The following MTDH variants were observed in gnomAD, a reference collection of about 807,000 sequenced individuals.
The protein encoded by MTDH is metadherin, also known as protein LYRIC.
Under a neutral mutation model 72.7 loss-of-function variants are expected in MTDH, and 34 were observed. The observed-to-expected ratio is 0.47, with a 90% CI of 0.36 to 0.62. The LOEUF (loss-of-function observed/expected upper bound fraction) is 0.62, where lower values mean the gene tolerates loss of function less well. MTDH is among the 20% of genes least tolerant of loss of function. The pLI is 0.00. For synonymous variants in MTDH, 266 were observed against 268.9 expected (o/e 0.99, Z 0.10); for missense variants, 677 against 699.4 (o/e 0.97, Z 0.36).
intron 2 of MTDH, among the ~76,000 whole-genome samples, chr8:97,673,133 A>G (rs1812696930): frequency 6.6e-6 from 1 of 152,202 alleles, no homozygotes; most frequent in Non-Finnish European, 1.5e-5. Context: ...ACAACAGTTG[A>G]TAAAACAAGA....
At chr8:97,724,122 T>A (rs1389144796) in intron 11 of MTDH, among the ~76,000 whole-genome samples, 2 of 152,124 alleles carry the variant, frequency 1.3e-5, no homozygotes, top group East Asian at 1.9e-4. Context: ...ATGATCAATC[T>A]ATCTATCTAT....
At chr8:97,647,347 C>T (rs1362907667) in intron 1 of MTDH, among the ~76,000 whole-genome samples, 1 of 152,072 alleles carries the variant, frequency 6.6e-6, no homozygotes. Flanking sequence ...GGGTAGGAGT[C>T]CCCCAGGAAT....
chr8:97,660,914 A>C (rs1444033886), intron 1 of MTDH, among the ~76,000 whole-genome samples, 158 bp from the exon 2 acceptor site: 1 of 151,710 alleles, frequency 6.6e-6, no homozygotes, highest in Non-Finnish European at 1.5e-5. Context: ...CACTAGGGAT[A>C]ATCTATCAAC....
chr8:97,664,115 G>A (rs1812284807), intron 2 of MTDH, among the ~76,000 whole-genome samples: 1 of 152,172 alleles, frequency 6.6e-6, no homozygotes, highest in African/African-American at 2.4e-5. Context: ...CAGCACTTTG[G>A]GAGGCTGAGG....
chr8:97,702,617 T>C (rs1039989407), intron 7 of MTDH, among the ~76,000 whole-genome samples: 13 of 152,230 alleles, frequency 8.5e-5, no homozygotes, highest in African/African-American at 3.1e-4. Context: ...AATTGTTTTC[T>C]TTTATTAAAA....
rs999684284 is a variant in MTDH at position 97,725,161 on chromosome 8, T to C, written c.*491T>C. Reference sequence around the variant, plus strand: ...ATCTTTACATATTTGTTGGTAGCAATTTGTATTAAAGAAATCACAAGTGCA... The same window carrying C: ...ATCTTTACATATTTGTTGGTAGCAACTTGTATTAAAGAAATCACAAGTGCA... On this transcript the variant is annotated 3_prime_UTR_variant, in exon 12 of 12. Transcript: ENST00000336273. 6.6e-6 allele frequency: 1 copy of C among 152,654 alleles called. No homozygotes were observed. The highest frequency in any genetic ancestry group is 1.5e-5 in the Non-Finnish European group (1 of 68,036). The allele number at this position is 152,654 out of a possible 1,614,324, so 9.5% of individuals were successfully genotyped here.
intron 2 of MTDH, among the ~76,000 whole-genome samples, chr8:97,662,613 C>T (rs996274797): frequency 6.6e-6 from 1 of 151,564 alleles, no homozygotes; most frequent in African/African-American, 2.4e-5. Flanking sequence ...TGATGAAACA[C>T]TGTCTCTACT....
At position 97,713,625 on chromosome 8, in the gene MTDH, A is replaced by T. The variant is rs867697373; in HGVS notation, c.1273-37A>T. 6 of 1,223,180 alleles carry T rather than the reference A, an allele frequency of 4.9e-6. No individual in the cohort carries two copies. The Middle Eastern group carries it at 1.2e-3, about 235-fold the overall frequency. The allele number at this position is 1,223,180 out of a possible 1,614,324, so 75.8% of individuals were successfully genotyped here. ...TTTTCTAAATAATGGACACATAACC[A>T]TTTGGTTCTCTTTAATATTTTTGCT... On this transcript the variant is annotated intron_variant, in intron 8 of 11. Coordinates refer to ENST00000336273, the MANE Select transcript of MTDH (RefSeq NM_178812.4).
At chr8:97,698,723 C>T (rs144044130) in intron 6 of MTDH, among the ~76,000 whole-genome samples, 1 of 152,314 alleles carries the variant, frequency 6.6e-6, no homozygotes, top group East Asian at 1.9e-4. Context: ...TTTTCTAGTT[C>T]CCTCTTTCAA....
chr8:97,700,854 C>A (rs1277618979), intron 7 of MTDH, among the ~76,000 whole-genome samples: 1 of 152,070 alleles, frequency 6.6e-6, no homozygotes, highest in African/African-American at 2.4e-5. Context: ...TCTGGTACAG[C>A]CTTGGTGATG....
chr8:97,664,795 C>G (rs756383516), intron 2 of MTDH, among the ~76,000 whole-genome samples: 5 of 148,758 alleles, frequency 3.4e-5, no homozygotes, highest in Non-Finnish European at 5.9e-5. Flanking sequence ...TTCTTTCACT[C>G]TTGTTGCCCG....
At chr8:97,682,488 C>A (rs1348171851) in intron 2 of MTDH, among the ~76,000 whole-genome samples, 2 of 150,042 alleles carry the variant, frequency 1.3e-5, no homozygotes, top group Non-Finnish European at 3.0e-5. Flanking sequence ...TTAGTAGAGA[C>A]AGGGTTTCAC....
At position 97,729,527 on chromosome 8, in the gene MTDH, C is replaced by T. The variant is rs548902808; in HGVS notation, c.*4857C>T. Among the ~76,000 whole-genome samples, 1 of 152,148 alleles carries T rather than the reference C, an allele frequency of 6.6e-6. No individual in the cohort carries two copies. Among genetic ancestry groups the T allele is most frequent in the Non-Finnish European group, 1.5e-5 (1 of 68,024 alleles). ...AACAGTGTCTGTCAGAGTTGACATA[C>T]ATTGTGTATCTCCTGCACCAAAGCA... On this transcript the variant is annotated 3_prime_UTR_variant, in exon 12 of 12. Coordinates refer to ENST00000336273, the MANE Select transcript of MTDH (RefSeq NM_178812.4).
chr8:97,695,033 G>A (rs1813775152), intron 6 of MTDH, among the ~76,000 whole-genome samples: 1 of 151,734 alleles, frequency 6.6e-6, no homozygotes, highest in African/African-American at 2.4e-5. Flanking sequence ...TAAAAGAAAT[G>A]GTTGAATTTT....
Position 97,717,634 on chromosome 8 carries a change from C to G in MTDH, c.1381-1415C>G, listed in dbSNP as rs965156964. On this transcript the variant is annotated intron_variant, in intron 9 of 11. Transcript: ENST00000336273. ...TAATAAATTTTTATCCCCCCCCCCC[C>G]AAAAATGGAAATCTTAAAGCTTATG... Among the ~76,000 whole-genome samples, 12 of 127,502 alleles carry G rather than the reference C, an allele frequency of 9.4e-5. No individual in the cohort carries two copies. In the East Asian group the frequency reaches 2.7e-3, roughly 29 times the overall value. The allele number at this position is 127,502 out of a possible 152,430, so 83.6% of individuals were successfully genotyped here. A position where few individuals can be genotyped will look rare whatever the true frequency, so the allele number is the denominator to read the frequency against.
chr8:97,656,742 A>G (rs1227737976), intron 1 of MTDH, among the ~76,000 whole-genome samples: 1 of 151,616 alleles, frequency 6.6e-6, no homozygotes, highest in Non-Finnish European at 1.5e-5. Flanking sequence ...GCTCACACCC[A>G]TAATCCCAGC....
chr8:97,660,952 T>G lies in MTDH; in HGVS notation c.382-120T>G. On this transcript the variant is annotated intron_variant, in intron 1 of 11. Transcript: ENST00000336273. ...TTAGATAACATTGGTGTACAAAAAC[T>G]TTTTAAATTTAGGTACAGAGGTAGG... 5.0e-6 allele frequency: 3 copies of G among 595,862 alleles called. No individual in the cohort carries two copies. The South Asian group carries it at 8.1e-5, about 16-fold the overall frequency. The allele number at this position is 595,862 out of a possible 1,614,324, so 36.9% of individuals were successfully genotyped here.
chr8:97,709,795 G>C (rs930738864), intron 8 of MTDH, among the ~76,000 whole-genome samples: 1 of 152,046 alleles, frequency 6.6e-6, no homozygotes, highest in African/African-American at 2.4e-5. Flanking sequence ...ATTGGGAAGC[G>C]GTATAAAGGA....
chr8:97,654,952 CATG>C (rs1563521637), intron 1 of MTDH, among the ~76,000 whole-genome samples: 1 of 151,878 alleles, frequency 6.6e-6, no homozygotes, highest in Admixed American at 6.6e-5. Flanking sequence ...ATTAACTAGG[CATG>C]GTGGTGTGTG....
Sources: allele counts gnomAD v4.1 joint callset (sites outside exome capture counted in the v4.1 genomes callset), GRCh38; gene constraint gnomAD v4.1.1; transcripts MANE v1.5; gene names NCBI Gene and HGNC (gene_info 2026-07-23, HGNC 2026-07-21).